NRP1: variants seen among roughly 807,000 people sequenced by gnomAD.
NRP1 encodes the protein neuropilin 1.
In NRP1, 35 loss-of-function variants were observed where a neutral mutation model predicts 106.7. That is an observed-to-expected ratio of 0.33 (90% CI 0.25 to 0.43). The LOEUF (loss-of-function observed/expected upper bound fraction) is 0.43, where lower values mean the gene tolerates loss of function less well. NRP1 is among the 20% of genes least tolerant of loss of function. The pLI is 1.00. For synonymous variants in NRP1, 437 were observed against 417.9 expected, an observed-to-expected ratio of 1.05 and a Z score of -0.56; for missense variants, 1,024 against 1,170.4, an observed-to-expected ratio of 0.87 and a Z score of 1.83.
At chr10:33,202,574 G>C (rs1325932308) in intron 11 of NRP1, 3 of 1,425,812 alleles carry the variant, frequency 2.1e-6, no homozygotes, top group Admixed American at 5.2e-5. Context: ...TATTGGGGGG[G>C]GGTCTGAAAA....
chr10:33,185,344 G>A (rs1198910399), intron 15 of NRP1, among the ~76,000 whole-genome samples: 1 of 152,174 alleles, frequency 6.6e-6, no homozygotes, highest in East Asian at 1.9e-4. Context: ...TCTATAGCTT[G>A]TAAGCTGGGT....
intron 3 of NRP1, 46 bp from the exon 4 acceptor site, chr10:33,263,919 A>T (rs1842751271): frequency 8.2e-7 from 1 of 1,217,450 alleles, no homozygotes; most frequent in East Asian, 2.3e-5. Flanking sequence ...TCCCACTTAA[A>T]CAACTTCCCC....
intron 4 of NRP1, among the ~76,000 whole-genome samples, chr10:33,261,683 A>G (rs1842583846): frequency 6.6e-6 from 1 of 152,182 alleles, no homozygotes; most frequent in South Asian, 2.1e-4. Context: ...AGCTAAATTG[A>G]ATCACACTAA....
intron 2 of NRP1, among the ~76,000 whole-genome samples, chr10:33,302,783 G>A (rs967330064): frequency 2.6e-5 from 4 of 152,188 alleles, no homozygotes; most frequent in Admixed American, 2.6e-4. Flanking sequence ...AAGAGCCCCA[G>A]CAACCTTGAG....
chr10:33,198,109 A>G lies in NRP1; in HGVS notation c.1865-400T>C, dbSNP rs112506780. Among the ~76,000 whole-genome samples, 751 of 146,294 alleles carry G rather than the reference A, an allele frequency of 5.1e-3. 4 individuals are homozygous for G. The highest frequency in any genetic ancestry group is 0.017 in the African/African-American group (648 of 39,238). On this transcript the variant is annotated intron_variant, in intron 11 of 16. Transcript: ENST00000374867. ...TTTTGGTGAGAACACTTAAAATCTA[A>G]TCTCTTAGCAATTTTCTTTTTTTTA...
At chr10:33,198,677 G>A (rs1221828709) in intron 11 of NRP1, among the ~76,000 whole-genome samples, 2 of 152,124 alleles carry the variant, frequency 1.3e-5, no homozygotes, top group African/African-American at 2.4e-5. Flanking sequence ...AAGGTTTCAG[G>A]TGTGTGCCTT....
At chr10:33,310,241 G>T (rs1846492272) in intron 2 of NRP1, among the ~76,000 whole-genome samples, 1 of 128,876 alleles carries the variant, frequency 7.8e-6, no homozygotes, top group African/African-American at 2.9e-5. Flanking sequence ...GAGCCACTGC[G>T]CCCGGCCTTT....
At chr10:33,298,406 C>T (rs1845565591) in intron 2 of NRP1, among the ~76,000 whole-genome samples, 1 of 152,132 alleles carries the variant, frequency 6.6e-6, no homozygotes, top group African/African-American at 2.4e-5. Context: ...CTGAGAAACA[C>T]CTCATGAATT....
intron 6 of NRP1, among the ~76,000 whole-genome samples, chr10:33,233,796 C>T (rs1239358368): frequency 6.6e-6 from 1 of 152,150 alleles, no homozygotes; most frequent in African/African-American, 2.4e-5. Flanking sequence ...TGGGGCATCT[C>T]TGATGACTCA....
At chr10:33,258,255 G>GA (rs748748395) in intron 4 of NRP1, among the ~76,000 whole-genome samples, 19 of 152,080 alleles carry the variant, frequency 1.2e-4, no homozygotes, top group Non-Finnish European at 2.4e-4. Flanking sequence ...AAAGAAAAAA[G>GA]AAAAAACCCC....
intron 15 of NRP1, among the ~76,000 whole-genome samples, chr10:33,184,601 G>T (rs1470881917): frequency 2.0e-5 from 3 of 152,116 alleles, no homozygotes; most frequent in Non-Finnish European, 2.9e-5. Context: ...TAAAGGAGTT[G>T]CAACTAAACT....
intron 12 of NRP1, among the ~76,000 whole-genome samples, chr10:33,197,014 T>C (rs1198220484): frequency 1.3e-5 from 2 of 152,116 alleles, no homozygotes; most frequent in African/African-American, 4.8e-5. Flanking sequence ...CACAGGATAC[T>C]AACAAAACAC....
chr10:33,303,213 T>C (rs1845925816), intron 2 of NRP1, among the ~76,000 whole-genome samples: 1 of 152,192 alleles, frequency 6.6e-6, no homozygotes, highest in Non-Finnish European at 1.5e-5. Context: ...TAGATCAAAG[T>C]GTACCAAAAC....
chr10:33,274,525 C>T (rs1440444107), intron 2 of NRP1, among the ~76,000 whole-genome samples: 2 of 151,988 alleles, frequency 1.3e-5, no homozygotes, highest in African/African-American at 4.8e-5. Flanking sequence ...CACTGAATAG[C>T]GGTTTCTGAG....
At chr10:33,248,398 A>G (rs992577007) in intron 6 of NRP1, among the ~76,000 whole-genome samples, 2 of 152,236 alleles carry the variant, frequency 1.3e-5, no homozygotes, top group African/African-American at 2.4e-5. Context: ...CCTAAAGGCC[A>G]TTTAGATTGG....
chr10:33,286,110 T>A (rs1234056376), intron 2 of NRP1, among the ~76,000 whole-genome samples: 1 of 152,232 alleles, frequency 6.6e-6, no homozygotes, highest in African/African-American at 2.4e-5. Flanking sequence ...TTCCCTATGA[T>A]GAGTTTCTAA....
At chr10:33,311,136 C>T (rs983560241) in intron 2 of NRP1, among the ~76,000 whole-genome samples, 1 of 152,090 alleles carries the variant, frequency 6.6e-6, no homozygotes, top group African/African-American at 2.4e-5. Flanking sequence ...ATGGAGAATA[C>T]GCATATGCTA....
At chr10:33,196,458 G>C (rs1435873168) in intron 12 of NRP1, among the ~76,000 whole-genome samples, 1 of 152,182 alleles carries the variant, frequency 6.6e-6, no homozygotes, top group Admixed American at 6.5e-5. Context: ...AAAAGGAAAG[G>C]CACGGCTTTT....
intron 6 of NRP1, among the ~76,000 whole-genome samples, chr10:33,249,712 A>G (rs1314636116): frequency 1.3e-5 from 2 of 152,236 alleles, no homozygotes; most frequent in African/African-American, 4.8e-5. Flanking sequence ...AGGAAATTTT[A>G]GTAGCTCAGG....
Sources: gnomAD v4.1 joint callset for allele counts (sites outside exome capture counted in the v4.1 genomes callset) on GRCh38, gnomAD v4.1.1 for gene constraint, MANE v1.5 for transcripts, NCBI Gene and HGNC (gene_info 2026-07-23, HGNC 2026-07-21) for gene names.